The following ANHX variants were observed in gnomAD, a reference collection of about 807,000 sequenced individuals.
The protein encoded by ANHX is anomalous homeobox.
In ANHX, 20 loss-of-function variants were observed where a neutral mutation model predicts 38.9. The observed-to-expected ratio is 0.51, with a 90% CI of 0.36 to 0.75. The LOEUF (loss-of-function observed/expected upper bound fraction) is 0.75, where lower values mean the gene tolerates loss of function less well. ANHX is among the 30% of genes least tolerant of loss of function. ANHX has a pLI of 0.00. For missense variants in ANHX, 475 were observed against 493.1 expected, an observed-to-expected ratio of 0.96 and a Z score of 0.35; for synonymous variants, 185 against 203.1, an observed-to-expected ratio of 0.91 and a Z score of 0.76.
intron 2 of ANHX, among the ~76,000 whole-genome samples, chr12:133,232,787 T>C (rs985731811): frequency 9.2e-5 from 14 of 152,326 alleles, no homozygotes; most frequent in African/African-American, 3.4e-4. Context: ...ACTTCATTTA[T>C]TTTGACAGAT....
At chr12:133,226,868 C>T (rs1467307652) in intron 5 of ANHX, 68 bp downstream of exon 5, 1 of 1,399,328 alleles carries the variant, frequency 7.1e-7, no homozygotes, top group Non-Finnish European at 9.4e-7. Context: ...GTGTGACTAC[C>T]TAGGCCTGGC....
Position 133,234,483 on chromosome 12 carries a change from C to T in ANHX, c.-22-105G>A, listed in dbSNP as rs1366711836. The stretch of plus-strand genomic sequence containing the variant: ...AAGCAGGTGATGCACGGCTCTTGTG[C>T]CGTGGACACTTGTAGAGTAGGAATA... On this transcript the variant is annotated intron_variant, in intron 1 of 9. Coordinates refer to ENST00000545940, the MANE Select transcript of ANHX (RefSeq NM_001372060.1). 8.4e-6 allele frequency: 11 copies of T among 1,312,718 alleles called. No individual in the cohort carries two copies. The African/African-American group carries it at 1.5e-4, about 18-fold the overall frequency. 81.3% of individuals were successfully genotyped at this position (1,312,718 alleles called of 1,614,324 possible). A position where few individuals can be genotyped will look rare whatever the true frequency, so the allele number is the denominator to read the frequency against.
intron 3 of ANHX, among the ~76,000 whole-genome samples, chr12:133,230,478 T>C (rs1466631944): frequency 6.6e-6 from 1 of 152,238 alleles, no homozygotes; most frequent in Non-Finnish European, 1.5e-5. Context: ...CAGGAATCTT[T>C]CATGACTTGG....
Position 133,226,997 on chromosome 12 carries a change from G to C in ANHX, c.657C>G (p.Leu219=), listed in dbSNP as rs1408505970. ...DPGARERGPD[L]LQPSGNPRVD... ...CACGGGGGTTGCCTGAGGGCTGCAG[G>C]AGGTCAGGACCCCTCTCCCTCGCAC... Residue 219 remains leucine, a synonymous_variant, in exon 5 of 10, where the codon CTC becomes CTG. Transcript: ENST00000545940. The C allele has an allele frequency of 1.3e-6, 2 of 1,534,972 alleles. No individual in the cohort carries two copies. The highest frequency in any genetic ancestry group is 1.7e-4 in the Middle Eastern group (1 of 5,996).
At position 133,225,314 on chromosome 12, in the gene ANHX, T is replaced by TACACAC. The variant is rs36198127; in HGVS notation, c.1132+216_1132+221dup. 4.8e-4 allele frequency among the ~76,000 whole-genome samples: 68 copies of TACACAC among 141,576 alleles called. 1 individual carries two copies. Among genetic ancestry groups the TACACAC allele is most frequent in the African/African-American group, 8.3e-4 (31 of 37,372 alleles). The allele number at this position is 141,576 out of a possible 152,430, so 92.9% of individuals were successfully genotyped here. On this transcript the variant is annotated intron_variant, in intron 7 of 9. Coordinates refer to ENST00000545940, the MANE Select transcript of ANHX (RefSeq NM_001372060.1). ...CTTCCTCTTCAGTGATATGCATACA[T>TACACAC]ACACACACACACACACACACACACA... is the stretch of plus-strand genomic sequence containing the variant.
chr12:133,223,434 G>A (rs150046869), intron 7 of ANHX, among the ~76,000 whole-genome samples: 3,623 of 150,070 alleles, frequency 0.024, 59 homozygotes, highest in South Asian at 0.06. Context: ...GAGCTTACAG[G>A]AGACTTTATT....
At chr12:133,224,976 A>AT (rs1957170229) in intron 7 of ANHX, among the ~76,000 whole-genome samples, 1 of 145,942 alleles carries the variant, frequency 6.9e-6, no homozygotes, top group Non-Finnish European at 1.5e-5. Context: ...AAAAAAAAAA[A>AT]ACAAAAACAA....
rs149683951 is a variant in ANHX, at chr12:133,233,488, G to C, written c.249+620C>G. On this transcript the variant is annotated intron_variant, in intron 2 of 9. Transcript: ENST00000545940. The stretch of plus-strand genomic sequence containing the variant: ...GTTTTCTGTGATTCAGAATTTTTCA[G>C]ATTTCAGCAAGTAACGCAGGCATCC... Among the ~76,000 whole-genome samples the C allele has an allele frequency of 1.3e-4, 20 of 152,288 alleles. No homozygotes were observed. In the East Asian group the frequency reaches 3.9e-3, roughly 29 times the overall value.
intron 9 of ANHX, 124 bp from the exon 10 acceptor site, chr12:133,219,095 G>T: frequency 9.7e-7 from 1 of 1,028,376 alleles, no homozygotes; most frequent in Non-Finnish European, 1.4e-6. Context: ...AGGAGGGAAT[G>T]TTGCCCCACA....
chr12:133,234,986 G>A (rs571458239), intron 1 of ANHX: 1 of 152,816 alleles, frequency 6.5e-6, no homozygotes, highest in South Asian at 2.1e-4. Flanking sequence ...GGTAGTAGGT[G>A]TTGCCAAACT....
chr12:133,219,427 T>C (rs1263923046), intron 8 of ANHX, 60 bp from the exon 9 acceptor site: 1 of 1,184,328 alleles, frequency 8.4e-7, no homozygotes, highest in East Asian at 2.6e-5. Context: ...GGTGACAAAA[T>C]CCACCCAGCT....
At chr12:133,224,867 T>C (rs556065830) in intron 7 of ANHX, among the ~76,000 whole-genome samples, 44 of 146,910 alleles carry the variant, frequency 3.0e-4, no homozygotes, top group Admixed American at 7.6e-4. Context: ...CTCGGGAGGC[T>C]GAGGCAGGAG....
chr12:133,224,754 A>T (rs375255655), intron 7 of ANHX, among the ~76,000 whole-genome samples: 1 of 151,242 alleles, frequency 6.6e-6, no homozygotes, highest in South Asian at 2.1e-4. Flanking sequence ...TCATGAGGTC[A>T]GGAGATCAAG....
intron 2 of ANHX, among the ~76,000 whole-genome samples, chr12:133,233,325 C>T (rs936489652): frequency 6.6e-6 from 1 of 152,184 alleles, no homozygotes; most frequent in Non-Finnish European, 1.5e-5. Flanking sequence ...GAGGACACCA[C>T]ACTAGCTTGG....
At chr12:133,219,604 AGGGTCAT>A (rs1479543360) in intron 8 of ANHX, among the ~76,000 whole-genome samples, 9 of 152,202 alleles carry the variant, frequency 5.9e-5, no homozygotes, top group Non-Finnish European at 1.3e-4. Flanking sequence ...GGCTCAGAGC[AGGGTCAT>A]GGAAGAGCCA....
chr12:133,219,508 C>T, intron 8 of ANHX, 141 bp from the exon 9 acceptor site: 3 of 630,308 alleles, frequency 4.8e-6, no homozygotes, highest in Non-Finnish European at 8.2e-6. Context: ...TCCTGCAGGG[C>T]TGTCACGTAT....
chr12:133,218,849 C>T lies in ANHX; in HGVS notation c.*36G>A. On this transcript the variant is annotated 3_prime_UTR_variant, in exon 10 of 10. Transcript: ENST00000545940. Reference sequence around the variant, plus strand: ...TGACCAGGCAGACCATCCACACCCGCTCCTCCTGGGGTGCTGTCTGGCTCC... The same window carrying T: ...TGACCAGGCAGACCATCCACACCCGTTCCTCCTGGGGTGCTGTCTGGCTCC... 2.1e-6 allele frequency: 3 copies of T among 1,446,190 alleles called. No individual in the cohort carries two copies. The highest frequency in any genetic ancestry group is 2.8e-6 in the Non-Finnish European group (3 of 1,090,264). 89.6% of individuals were successfully genotyped at this position (1,446,190 alleles called of 1,614,324 possible). A position where few individuals can be genotyped will look rare whatever the true frequency, so the allele number is the denominator to read the frequency against.
At chr12:133,234,078 C>A in intron 2 of ANHX, 30 bp downstream of exon 2, 2 of 1,532,138 alleles carry the variant, frequency 1.3e-6, no homozygotes, top group South Asian at 1.2e-5. Context: ...CTACCTCTCT[C>A]TGTACCCTAC....
rs972579264 is a variant in ANHX at position 133,226,324 on chromosome 12, T to C, written c.833A>G (p.Asp278Gly). Residue 278 changes from aspartate (D) to glycine (G), a missense_variant, in exon 6 of 10, where the codon GAT (aspartate) becomes GGT (glycine). Asp to Gly is a moderately conservative substitution (Grantham distance 94, BLOSUM62 -1). Coordinates refer to ENST00000545940, the MANE Select transcript of ANHX (RefSeq NM_001372060.1). Reference protein sequence around the residue: ...PADETVSKPLDVRSLPGGEMY... With the variant: ...PADETVSKPLGVRSLPGGEMY... ...GCCATGGAGATGACAGTACCTGACA[T>C]CCAGTGGCTTTGAGACTGTCTCATC... 4.6e-6 allele frequency: 7 copies of C among 1,536,078 alleles called. No individual in the cohort carries two copies. The African/African-American group carries it at 9.6e-5, about 21-fold the overall frequency.
Sources: gnomAD v4.1 joint callset for allele counts (sites outside exome capture counted in the v4.1 genomes callset) on GRCh38, gnomAD v4.1.1 for gene constraint, MANE v1.5 for transcripts, NCBI Gene and HGNC (gene_info 2026-07-23, HGNC 2026-07-21) for gene names.